ARHGEF1: variants seen among roughly 807,000 people sequenced by gnomAD.
ARHGEF1 encodes the protein 115 kDa guanine nucleotide exchange factor.
In ARHGEF1, 40 loss-of-function variants were observed where a neutral mutation model predicts 119.7. The observed-to-expected ratio is 0.33, with a 90% CI of 0.26 to 0.44. The LOEUF is 0.44. Among genes scored for constraint, ARHGEF1 ranks in the 20% least tolerant of loss-of-function variants. The probability of loss-of-function intolerance (pLI) is 1.00; values close to 1 mark genes in which losing one functional copy is unlikely to be tolerated. For synonymous variants in ARHGEF1, 494 were observed against 521.0 expected, an observed-to-expected ratio of 0.95 and a Z score of 0.71; for missense variants, 976 against 1,268.3, an observed-to-expected ratio of 0.77 and a Z score of 3.50.
At chr19:41,920,123 TCACACATGCGCTCACAGACATGACACGCC>T (rs2074831406), upstream of ARHGEF1, among the ~76,000 whole-genome samples, 1 of 90,988 alleles carries the variant, frequency 1.1e-5, no homozygotes, top group Non-Finnish European at 2.0e-5. Context: ...CATGACACGC[TCACACATGCGCTCACAGACATGACACGCC>T]CAGACATGAT....
At chr19:41,909,553 C>T (rs1248232775), downstream of ARHGEF1, 1 of 1,049,764 alleles carries the variant, frequency 9.5e-7, no homozygotes, top group African/African-American at 1.6e-5. The surrounding 1 kb of genome is among the most constrained non-coding windows in gnomAD (Gnocchi z 5.2). Context: ...GTGTGCTGTC[C>T]CAGGCATGGT....
chr19:41,915,230 C>CGAG (rs782689939), intron 18 of ARHGEF1, among the ~76,000 whole-genome samples: 77 of 141,728 alleles, frequency 5.4e-4, no homozygotes, highest in Non-Finnish European at 9.2e-4. Flanking sequence ...CACGTTATAA[C>CGAG]GAGGAGCCGT....
chr19:41,883,323 C>G lies in ARHGEF1; in HGVS notation c.-20+34C>G, dbSNP rs1337454295. 6.1e-6 allele frequency: 1 copy of G among 164,814 alleles called. No homozygotes were observed. Among genetic ancestry groups the G allele is most frequent in the Non-Finnish European group, 1.4e-5 (1 of 73,474 alleles). The allele number at this position is 164,814 out of a possible 1,614,324, so 10.2% of individuals were successfully genotyped here. A position where few individuals can be genotyped will look rare whatever the true frequency, so the allele number is the denominator to read the frequency against. ...TCCCCGGCCCCGCCCGGCCTCCTCC[C>G]CTCGGCTGTTGGGGGAAGTGGGGAG... is the stretch of plus-strand genomic sequence containing the variant. On this transcript the variant is annotated intron_variant, in intron 1 of 28. Transcript: ENST00000354532. The surrounding 1 kb of genome is among the most constrained non-coding windows in gnomAD (Gnocchi z 7.6).
chr19:41,885,914 G>A (rs143712453), intron 1 of ARHGEF1, among the ~76,000 whole-genome samples: 3 of 152,004 alleles, frequency 2.0e-5, no homozygotes, highest in Non-Finnish European at 4.4e-5. Flanking sequence ...CACCACACCT[G>A]GCTATCTTTT....
At position 41,904,497 on chromosome 19, in the gene ARHGEF1, G is replaced by A. The variant is rs988321078; in HGVS notation, c.2161+114G>A. 3.0e-6 allele frequency: 4 copies of A among 1,313,704 alleles called. No homozygotes were observed. In the East Asian group the frequency reaches 1.0e-4, roughly 33 times the overall value. 81.4% of individuals were successfully genotyped at this position (1,313,704 alleles called of 1,614,324 possible). On this transcript the variant is annotated intron_variant, in intron 22 of 28. Transcript: ENST00000354532. The surrounding 1 kb of genome is among the most constrained non-coding windows in gnomAD (Gnocchi z 8.4). ...GCCAGGGAGCCAGCATTCTAGCAAA[G>A]AGGTTGAGAAGTAGGTGGAGGTGGG...
chr19:41,894,261 C>T lies in ARHGEF1; in HGVS notation c.699C>T (p.Thr233=). ...GLYMRHLGVR[T]KSGDKKSGRN... ...ACATGCGCCACCTTGGGGTGCGGAC[C>T]AAGAGTGGAGACAAGAAGTCGGGGA... The change falls in exon 9 of 29, where the codon ACC becomes ACT. Residue 233 remains threonine (T), a synonymous_variant. Transcript: ENST00000354532. 1 of 1,572,658 alleles carries T rather than the reference C, an allele frequency of 6.4e-7. No individual in the cohort carries two copies. The highest frequency in any genetic ancestry group is 8.7e-7 in the Non-Finnish European group (1 of 1,154,688).
chr19:41,896,522 C>T, intron 13 of ARHGEF1, 40 bp downstream of exon 13: 2 of 1,478,864 alleles, frequency 1.4e-6, no homozygotes, highest in Admixed American at 2.0e-5. Flanking sequence ...GTGTGGCTTA[C>T]TGGGCGCTGG....
chr19:41,898,103 C>G (rs1167742228), intron 13 of ARHGEF1: 1 of 1,379,040 alleles, frequency 7.3e-7, no homozygotes, highest in East Asian at 2.9e-5. Flanking sequence ...TGGCCCTGCC[C>G]GACGAGCCAC....
At position 41,916,087 on chromosome 19, in the gene ARHGEF1, G is replaced by A. The variant is rs551336600; in HGVS notation, c.1866-7005G>A. 7.2e-5 allele frequency among the ~76,000 whole-genome samples: 11 copies of A among 151,810 alleles called. No individual in the cohort carries two copies. The highest frequency in any genetic ancestry group is 5.8e-4 in the East Asian group (3 of 5,168). On this transcript the variant is annotated intron_variant, in intron 18 of 20. Transcript: ENST00000599589. This position sits in a 1 kb window ranked among gnomAD's most constrained non-coding sequence, Gnocchi z 5.4. ...ATGTGTGTGCGCATGTGAGCGAAGC[G>A]GTGTGCAGAGGCGCTGGGCAGGCGA...
At position 41,905,699 on chromosome 19, in the gene ARHGEF1, C is replaced by T; in HGVS notation, c.2337-61C>T. 1.9e-6 allele frequency: 3 copies of T among 1,581,118 alleles called. No homozygotes were observed. Among genetic ancestry groups the T allele is most frequent in the East Asian group, 2.2e-5 (1 of 44,678 alleles). On this transcript the variant is annotated intron_variant, in intron 24 of 28. Transcript: ENST00000354532. This position sits in a 1 kb window ranked among gnomAD's most constrained non-coding sequence, Gnocchi z 6.4. Reference sequence around the variant, plus strand: ...CTCCCCACCTCCAGCTCTCTGTCTCCCTGCCCCTGCGGCCCCCCAGGGCCA... The same window carrying T: ...CTCCCCACCTCCAGCTCTCTGTCTCTCTGCCCCTGCGGCCCCCCAGGGCCA...
In ARHGEF1 at chr19:41,905,798, A is replaced by T. The variant is rs199780248; in HGVS notation, c.2375A>T (p.Asn792Ile). 2 of 1,614,038 alleles carry T rather than the reference A, an allele frequency of 1.2e-6. No individual in the cohort carries two copies. Among genetic ancestry groups the T allele is most frequent in the Non-Finnish European group, 8.5e-7 (1 of 1,179,982 alleles). Reference protein sequence around the residue: ...EPLLSSSENGNGGRETSPADA... With the variant: ...EPLLSSSENGIGGRETSPADA... ...CTCCTCAGCAGCTCTGAGAACGGCA[A>T]TGGTGGCCGAGAGACGTCTCCAGCT... The change falls in exon 25 of 29, where the codon AAT becomes ATT. Residue 792 changes from asparagine to isoleucine, a missense_variant. Asn to Ile is a moderately radical substitution (Grantham distance 149). This residue lies in a region of ARHGEF1 where 171 missense variants were observed against 180.6 expected (regional missense o/e 0.95). Coordinates refer to ENST00000354532, the MANE Select transcript of ARHGEF1 (RefSeq NM_004706.4). The surrounding 1 kb of genome is among the most constrained non-coding windows in gnomAD (Gnocchi z 6.4).
At chr19:41,896,655 T>TC (rs2074493256) in intron 13 of ARHGEF1, 173 bp downstream of exon 13, 1 of 705,824 alleles carries the variant, frequency 1.4e-6, no homozygotes, top group Non-Finnish European at 2.6e-6. Flanking sequence ...TTTTCTCATC[T>TC]CCCTCCTGCT....
Position 41,903,618 on chromosome 19 carries a change from G to T in ARHGEF1, c.1840-89G>T. 1.4e-6 allele frequency: 2 copies of T among 1,397,326 alleles called. No homozygotes were observed. The highest frequency in any genetic ancestry group is 1.0e-6 in the Non-Finnish European group (1 of 1,001,262). The allele number at this position is 1,397,326 out of a possible 1,614,324, so 86.6% of individuals were successfully genotyped here. On this transcript the variant is annotated intron_variant, in intron 19 of 28. Coordinates refer to ENST00000354532, the MANE Select transcript of ARHGEF1 (RefSeq NM_004706.4). The surrounding 1 kb of genome is among the most constrained non-coding windows in gnomAD (Gnocchi z 4.2). ...CCTCAGCTTGCCCGCATCAGAAGTT[G>T]GTCTTGGCTCTCATCTTACCAATGT...
In ARHGEF1 at chr19:41,907,265, G is replaced by A. The variant is rs782070685; in HGVS notation, c.*178G>A. On this transcript the variant is annotated 3_prime_UTR_variant, in exon 29 of 29. Transcript: ENST00000354532. ...GGGTTACTGGCCCCGCATGAGCCTC[G>A]GCCATCTCTCCCTCCTGCCCTCTGC... The A allele has an allele frequency of 2.9e-5, 45 of 1,526,148 alleles. No homozygotes were observed. The South Asian group carries it at 3.8e-4, about 13-fold the overall frequency. The allele number at this position is 1,526,148 out of a possible 1,614,324, so 94.5% of individuals were successfully genotyped here. A position where few individuals can be genotyped will look rare whatever the true frequency, so the allele number is the denominator to read the frequency against.
In ARHGEF1 at chr19:41,888,032, C is replaced by G; in HGVS notation, c.-19-32C>G. The G allele has an allele frequency of 6.2e-7, 1 of 1,604,142 alleles. No homozygotes were observed. The stretch of plus-strand genomic sequence containing the variant: ...ACCACCCTGGGCCGCCTCCTCCCAC[C>G]CTCCTAACCACAGCCCCTCCTCTTC... On this transcript the variant is annotated intron_variant, in intron 1 of 28. Transcript: ENST00000354532. This position sits in a 1 kb window ranked among gnomAD's most constrained non-coding sequence, Gnocchi z 5.1.
In ARHGEF1 at chr19:41,902,856, A is replaced by T. The variant is rs781914611; in HGVS notation, c.1696A>T (p.Thr566Ser). Residue 566 changes from threonine (T) to serine (S), a missense_variant, in exon 18 of 29, where the codon ACC (threonine) becomes TCC (serine). Around this residue, in one of 3 missense-constraint regions of ARHGEF1, gnomAD observed 286 missense variants for 506.8 expected, o/e 0.56. Coordinates refer to ENST00000354532, the MANE Select transcript of ARHGEF1 (RefSeq NM_004706.4). This position sits in a 1 kb window ranked among gnomAD's most constrained non-coding sequence, Gnocchi z 6.5. ...GATCCCCACGGAGATGCAGCGGCTG[A>T]CCAAGTACCCCCTGCTCCTGCAGAG... ...DMIPTEMQRL[T>S]KYPLLLQSIG... The T allele has an allele frequency of 2.5e-6, 4 of 1,612,976 alleles. No homozygotes were observed. Among genetic ancestry groups the T allele is most frequent in the Non-Finnish European group, 2.5e-6 (3 of 1,179,906 alleles).
intron 1 of ARHGEF1, 92 bp from the exon 2 acceptor site, chr19:41,887,972 C>A: frequency 1.4e-6 from 2 of 1,408,024 alleles, no homozygotes; most frequent in South Asian, 2.6e-5. Context: ...AGGCTGTTTA[C>A]TCACCTTCAC....
chr19:41,918,111 C>T (rs1361175035), upstream of ARHGEF1, among the ~76,000 whole-genome samples: 2 of 151,966 alleles, frequency 1.3e-5, no homozygotes, highest in Non-Finnish European at 2.9e-5. Flanking sequence ...GGACGCCACC[C>T]CCATTCCCAC....
Position 41,903,523 on chromosome 19 carries a change from G to C in ARHGEF1, c.1839+116G>C, listed in dbSNP as rs1486846642. 3.0e-5 allele frequency: 30 copies of C among 985,568 alleles called. No homozygotes were observed. The African/African-American group carries it at 1.0e-3, about 34-fold the overall frequency. The allele number at this position is 985,568 out of a possible 1,614,324, so 61.1% of individuals were successfully genotyped here. A position where few individuals can be genotyped will look rare whatever the true frequency, so the allele number is the denominator to read the frequency against. On this transcript the variant is annotated intron_variant, in intron 19 of 28. Coordinates refer to ENST00000354532, the MANE Select transcript of ARHGEF1 (RefSeq NM_004706.4). This position sits in a 1 kb window ranked among gnomAD's most constrained non-coding sequence, Gnocchi z 4.2. ...ACCCCTTGGCTTGTCTCCCTCAAGG[G>C]TCACTGTGTCCAGGGGTTGGCTTGG... is the stretch of plus-strand genomic sequence containing the variant.
Sources: allele counts gnomAD v4.1 joint callset (sites outside exome capture counted in the v4.1 genomes callset), GRCh38; gene constraint gnomAD v4.1.1; regional missense constraint gnomAD v4.1.1; non-coding constraint Gnocchi (gnomAD v3.1); transcripts MANE v1.5; gene names NCBI Gene and HGNC (gene_info 2026-07-23, HGNC 2026-07-21).